OR12D2: variants seen among roughly 807,000 people sequenced by gnomAD.
OR12D2 encodes olfactory receptor family 12 subfamily D member 2.
For missense variants in OR12D2, 345 were observed against 371.6 expected (o/e 0.93, Z 0.59); for synonymous variants, 146 against 142.3 (o/e 1.03, Z -0.19).
chr6:29,396,050 A>C (rs1395436776), intron 1 of OR12D2, among the ~76,000 whole-genome samples: 1 of 152,200 alleles, frequency 6.6e-6, no homozygotes, highest in African/African-American at 2.4e-5. Flanking sequence ...TGAGAACAAA[A>C]TAATTACTAC....
In OR12D2 at chr6:29,397,731, C is replaced by T. The variant is rs1440247091; in HGVS notation, c.*108C>T. ...ATGGTTTATAAGTGTAAAATAGAGG[C>T]AACTGGATAAAAGAAAAAAAAGTCC... is the stretch of plus-strand genomic sequence containing the variant. On this transcript the variant is annotated 3_prime_UTR_variant, in exon 2 of 2. Coordinates refer to ENST00000642051, the MANE Select transcript of OR12D2 (RefSeq NM_013936.4). The T allele has an allele frequency of 9.6e-6, 9 of 938,834 alleles. No homozygotes were observed. Among genetic ancestry groups the T allele is most frequent in the Non-Finnish European group, 1.4e-5 (9 of 649,538 alleles). The allele number at this position is 938,834 out of a possible 1,614,324, so 58.2% of individuals were successfully genotyped here. A position where few individuals can be genotyped will look rare whatever the true frequency, so the allele number is the denominator to read the frequency against.
Position 29,397,382 on chromosome 6 carries a change from G to C in OR12D2, c.683G>C (p.Arg228Pro). The C allele has an allele frequency of 1.2e-6, 2 of 1,612,962 alleles. No individual in the cohort carries two copies. The highest frequency in any genetic ancestry group is 1.7e-6 in the Non-Finnish European group (2 of 1,180,012). The change falls in exon 2 of 2, where the codon CGT becomes CCT. Residue 228 changes from arginine to proline, a missense_variant. Arg to Pro is a moderately radical substitution (Grantham distance 103). Coordinates refer to ENST00000642051, the MANE Select transcript of OR12D2 (RefSeq NM_013936.4). ...YIITYLFFKT[R>P]SCSMLCKALS... ...ATCACTTATCTCTTCTTCAAGACCC[G>C]TTCTTGTAGCATGCTCTGTAAAGCA... is the stretch of plus-strand genomic sequence containing the variant.
chr6:29,396,887 A>C lies in OR12D2; in HGVS notation c.188A>C (p.Asn63Thr). The change falls in exon 2 of 2, where the codon AAC becomes ACC. Residue 63 changes from asparagine to threonine, a missense_variant. Physicochemically the swap from Asn to Thr is moderately conservative, Grantham distance 65. Coordinates refer to ENST00000642051, the MANE Select transcript of OR12D2 (RefSeq NM_013936.4). Reference sequence around the variant, plus strand: ...TCCCTTATGTATTTCTTCCTGGGAAACCTGTCCTACCTGGATATCTGTTAC... The same window carrying C: ...TCCCTTATGTATTTCTTCCTGGGAACCCTGTCCTACCTGGATATCTGTTAC... ...LHSLMYFFLGNLSYLDICYST... is the reference protein window; with the variant it reads ...LHSLMYFFLGTLSYLDICYST... 6.2e-7 allele frequency: 1 copy of C among 1,612,832 alleles called. No homozygotes were observed. Among genetic ancestry groups the C allele is most frequent in the Non-Finnish European group, 8.5e-7 (1 of 1,179,910 alleles).
Position 29,396,870 on chromosome 6 carries a change from G to A in OR12D2, c.171G>A (p.Met57Ile). The change falls in exon 2 of 2, where the codon ATG becomes ATA. Residue 57 changes from methionine to isoleucine, a missense_variant. Met to Ile is a conservative substitution (Grantham distance 10). Transcript: ENST00000642051. ...CCGATCCTAGACTCCATTCCCTTAT[G>A]TATTTCTTCCTGGGAAACCTGTCCT... ...VISDPRLHSL[M>I]YFFLGNLSYL... is the part of the protein sequence containing the mutation. The A allele has an allele frequency of 6.2e-7, 1 of 1,612,870 alleles. No homozygotes were observed. The highest frequency in any genetic ancestry group is 1.1e-5 in the South Asian group (1 of 91,068).
Position 29,396,847 on chromosome 6 carries a change from G to A in OR12D2, c.148G>A (p.Asp50Asn). 3 of 1,612,886 alleles carry A rather than the reference G, an allele frequency of 1.9e-6. No homozygotes were observed. Among genetic ancestry groups the A allele is most frequent in the Non-Finnish European group, 2.5e-6 (3 of 1,179,936 alleles). ...NGAVLMIVIS[D>N]PRLHSLMYFF... ...AGCCGTTCTGATGATTGTCATCTCCGATCCTAGACTCCATTCCCTTATGTA... is the reference window on the plus strand; with the variant it reads ...AGCCGTTCTGATGATTGTCATCTCCAATCCTAGACTCCATTCCCTTATGTA... Residue 50 changes from aspartate (D) to asparagine (N), a missense_variant, in exon 2 of 2, where the codon GAT becomes AAT. By Grantham distance (23) the Asp-to-Asn change is conservative. Coordinates refer to ENST00000642051, the MANE Select transcript of OR12D2 (RefSeq NM_013936.4).
chr6:29,397,044 G>T lies in OR12D2; in HGVS notation c.345G>T (p.Val115=). 6.2e-7 allele frequency: 1 copy of T among 1,613,112 alleles called. No individual in the cohort carries two copies. The highest frequency in any genetic ancestry group is 8.5e-7 in the Non-Finnish European group (1 of 1,180,004). The change falls in exon 2 of 2, where the codon GTG becomes GTT. Residue 115 remains valine (V), a synonymous_variant. Transcript: ENST00000642051. The part of the protein sequence containing the change: ...LGSTESMLFA[V]MAFDLSVAIC... ...GCACGGAGTCCATGTTGTTCGCCGT[G>T]ATGGCATTTGACCTCTCTGTGGCTA...
At position 29,397,324 on chromosome 6, in the gene OR12D2, T is replaced by A; in HGVS notation, c.625T>A (p.Phe209Ile). 6.2e-7 allele frequency: 1 copy of A among 1,613,118 alleles called. No homozygotes were observed. ...CACGGGGACAATTGCCATGGGCCCCTTCTTTCTGACACTTCTCTCCTATTT... is the reference window on the plus strand; with the variant it reads ...CACGGGGACAATTGCCATGGGCCCCATCTTTCTGACACTTCTCTCCTATTT... ...TVTGTIAMGPFFLTLLSYFYI... is the reference protein window; with the variant it reads ...TVTGTIAMGPIFLTLLSYFYI... Residue 209 changes from phenylalanine to isoleucine, a missense_variant, in exon 2 of 2, where the codon TTC (phenylalanine) becomes ATC (isoleucine). Physicochemically the swap from Phe to Ile is conservative, Grantham distance 21. Coordinates refer to ENST00000642051, the MANE Select transcript of OR12D2 (RefSeq NM_013936.4).
rs190025067 is a variant in OR12D2 at position 29,397,822 on chromosome 6, A to G, written c.*199A>G. ...GGAATACTTGAAAATGCAAGACACTAGCCATGGAACCCTAATGCTGAAAAT... is the reference window on the plus strand; with the variant it reads ...GGAATACTTGAAAATGCAAGACACTGGCCATGGAACCCTAATGCTGAAAAT... On this transcript the variant is annotated 3_prime_UTR_variant, in exon 2 of 2. Coordinates refer to ENST00000642051, the MANE Select transcript of OR12D2 (RefSeq NM_013936.4). 466 of 543,638 alleles carry G rather than the reference A, an allele frequency of 8.6e-4. 3 individuals are homozygous for G. Among genetic ancestry groups the G allele is most frequent in the South Asian group, 2.2e-3 (68 of 30,860 alleles). 33.7% of individuals were successfully genotyped at this position (543,638 alleles called of 1,614,324 possible). A position where few individuals can be genotyped will look rare whatever the true frequency, so the allele number is the denominator to read the frequency against.
Position 29,396,866 on chromosome 6 carries a change from T to A in OR12D2, c.167T>A (p.Leu56His), listed in dbSNP as rs4987411. The change falls in exon 2 of 2, where the codon CTT (leucine) becomes CAT (histidine). Residue 56 changes from leucine (L) to histidine (H), a missense_variant. By Grantham distance (99) the Leu-to-His change is moderately conservative. Transcript: ENST00000642051. ...IVISDPRLHS[L>H]MYFFLGNLSY... ...ATCTCCGATCCTAGACTCCATTCCCTTATGTATTTCTTCCTGGGAAACCTG... is the reference window on the plus strand; with the variant it reads ...ATCTCCGATCCTAGACTCCATTCCCATATGTATTTCTTCCTGGGAAACCTG... 1 of 1,612,494 alleles carries A rather than the reference T, an allele frequency of 6.2e-7. No individual in the cohort carries two copies.
rs774328626 is a variant in OR12D2 at position 29,397,513 on chromosome 6, A to G, written c.814A>G (p.Ile272Val). 9.9e-6 allele frequency: 16 copies of G among 1,612,896 alleles called. No individual in the cohort carries two copies. The highest frequency in any genetic ancestry group is 3.3e-4 in the Middle Eastern group (2 of 6,084). The stretch of plus-strand genomic sequence containing the variant: ...AGAGAGCTTCATGGACCAGGACCGG[A>G]TTGTTGCCATCATGTACACTGTGGT... ...ALESFMDQDR[I>V]VAIMYTVVTP... Residue 272 changes from isoleucine to valine, a missense_variant, in exon 2 of 2, where the codon ATT becomes GTT. Physicochemically the swap from Ile to Val is conservative, Grantham distance 29. Transcript: ENST00000642051.
chr6:29,396,939 G>A lies in OR12D2; in HGVS notation c.240G>A (p.Leu80=), dbSNP rs749534715. The part of the protein sequence containing the change: ...CYSTVTLPKM[L]QNFLSTHKAI... ...CTACGGTGACACTGCCAAAAATGCTGCAGAACTTTCTCTCTACACACAAAG... is the reference window on the plus strand; with the variant it reads ...CTACGGTGACACTGCCAAAAATGCTACAGAACTTTCTCTCTACACACAAAG... Residue 80 remains leucine, a synonymous_variant, in exon 2 of 2, where the codon CTG becomes CTA. Coordinates refer to ENST00000642051, the MANE Select transcript of OR12D2 (RefSeq NM_013936.4). The A allele has an allele frequency of 3.1e-6, 5 of 1,613,054 alleles. No homozygotes were observed. The highest frequency in any genetic ancestry group is 3.3e-5 in the Admixed American group (2 of 60,010).
At position 29,397,449 on chromosome 6, in the gene OR12D2, C is replaced by G. The variant is rs868614547; in HGVS notation, c.750C>G (p.Phe250Leu). 1 of 1,613,006 alleles carries G rather than the reference C, an allele frequency of 6.2e-7. No homozygotes were observed. The highest frequency in any genetic ancestry group is 1.7e-5 in the Admixed American group (1 of 60,012). The change falls in exon 2 of 2, where the codon TTC becomes TTG. Residue 250 changes from phenylalanine (F) to leucine (L), a missense_variant. Coordinates refer to ENST00000642051, the MANE Select transcript of OR12D2 (RefSeq NM_013936.4). ...CASHFMVVIL[F>L]YAPVLFTYIH... Reference sequence around the variant, plus strand: ...CCCACTTCATGGTAGTTATTCTTTTCTATGCACCTGTTCTTTTCACCTATA... The same window carrying G: ...CCCACTTCATGGTAGTTATTCTTTTGTATGCACCTGTTCTTTTCACCTATA...
intron 1 of OR12D2, 111 bp from the exon 2 acceptor site, chr6:29,396,587 G>C (rs1780532801): frequency 1.2e-6 from 1 of 852,304 alleles, no homozygotes. Context: ...TTTGGAAGAA[G>C]TACAACAGTA....
Position 29,397,565 on chromosome 6 carries a change from A to T in OR12D2, c.866A>T (p.Tyr289Phe). The stretch of plus-strand genomic sequence containing the variant: ...ACTCCTGTACTAAACCCACTGATCT[A>T]TACTTTGAGGAACAAGGAAGTGAAG... The part of the protein sequence containing the change: ...VVTPVLNPLI[Y>F]TLRNKEVKGA... Residue 289 changes from tyrosine (Y) to phenylalanine (F), a missense_variant, in exon 2 of 2, where the codon TAT becomes TTT. Transcript: ENST00000642051. The T allele has an allele frequency of 6.2e-7, 1 of 1,613,012 alleles. No homozygotes were observed. Among genetic ancestry groups the T allele is most frequent in the Non-Finnish European group, 8.5e-7 (1 of 1,179,998 alleles).
In OR12D2 at chr6:29,396,965, C is replaced by A. The variant is rs368405941; in HGVS notation, c.266C>A (p.Ala89Glu). ...MLQNFLSTHK[A>E]ISFLGCISQL... is the part of the protein sequence containing the mutation. ...CAGAACTTTCTCTCTACACACAAAG[C>A]AATTTCTTTCTTGGGATGCATAAGC... Residue 89 changes from alanine (A) to glutamate (E), a missense_variant, in exon 2 of 2, where the codon GCA becomes GAA. Coordinates refer to ENST00000642051, the MANE Select transcript of OR12D2 (RefSeq NM_013936.4). 5 of 1,612,994 alleles carry A rather than the reference C, an allele frequency of 3.1e-6. No individual in the cohort carries two copies. In the South Asian group the frequency reaches 3.3e-5, roughly 11 times the overall value.
chr6:29,395,972 A>G (rs1270936944), intron 1 of OR12D2, among the ~76,000 whole-genome samples, 157 bp downstream of exon 1: 2 of 152,324 alleles, frequency 1.3e-5, no homozygotes, highest in Non-Finnish European at 1.5e-5. Context: ...GCTCCATGAC[A>G]TTGCCAGAGA....
In OR12D2 at chr6:29,396,934, A is replaced by G. The variant is rs1780564638; in HGVS notation, c.235A>G (p.Met79Val). The change falls in exon 2 of 2, where the codon ATG becomes GTG. Residue 79 changes from methionine to valine, a missense_variant. Met to Val is a conservative substitution (Grantham distance 21). Transcript: ENST00000642051. ...ICYSTVTLPK[M>V]LQNFLSTHKA... ...TTACTCTACGGTGACACTGCCAAAA[A>G]TGCTGCAGAACTTTCTCTCTACACA... 1 of 1,613,100 alleles carries G rather than the reference A, an allele frequency of 6.2e-7. No homozygotes were observed. The highest frequency in any genetic ancestry group is 2.2e-5 in the East Asian group (1 of 44,888).
intron 1 of OR12D2, 24 bp downstream of exon 1, chr6:29,395,839 G>A (rs565738559): frequency 2.6e-5 from 4 of 152,266 alleles, no homozygotes; most frequent in Non-Finnish European, 4.4e-5. Flanking sequence ...GATTTACTTT[G>A]AAAAAATTTA....
rs754906725 is a variant in OR12D2, at chr6:29,397,346, A to G, written c.647A>G (p.Tyr216Cys). 107 of 1,612,808 alleles carry G rather than the reference A, an allele frequency of 6.6e-5. No homozygotes were observed. Among genetic ancestry groups the G allele is most frequent in the Non-Finnish European group, 8.7e-5 (103 of 1,180,012 alleles). ...MGPFFLTLLS[Y>C]FYIITYLFFK... ...CCCTTCTTTCTGACACTTCTCTCCTATTTCTACATTATCACTTATCTCTTC... is the reference window on the plus strand; with the variant it reads ...CCCTTCTTTCTGACACTTCTCTCCTGTTTCTACATTATCACTTATCTCTTC... The change falls in exon 2 of 2, where the codon TAT (tyrosine) becomes TGT (cysteine). Residue 216 changes from tyrosine to cysteine, a missense_variant. Tyr to Cys is a radical substitution (Grantham distance 194, BLOSUM62 -2). Coordinates refer to ENST00000642051, the MANE Select transcript of OR12D2 (RefSeq NM_013936.4).
Sources: allele counts gnomAD v4.1 joint callset (sites outside exome capture counted in the v4.1 genomes callset), GRCh38; gene constraint gnomAD v4.1.1; transcripts MANE v1.5; gene names NCBI Gene and HGNC (gene_info 2026-07-23, HGNC 2026-07-21).